GCNT1: variants seen among roughly 807,000 people sequenced by gnomAD.
GCNT1 encodes glucosaminyl (N-acetyl) transferase 1, also known as beta-1,3-galactosyl-O-glycosyl-glycoprotein beta-1,6-N-acetylglucosaminyltransferase.
GCNT1 carries 16 observed loss-of-function variants against 26.2 expected under a neutral mutation model. That is an observed-to-expected ratio of 0.61 (90% confidence interval 0.41 to 0.93). The LOEUF (loss-of-function observed/expected upper bound fraction) is 0.93, where lower values mean the gene tolerates loss of function less well. GCNT1 is among the 40% of genes least tolerant of loss of function. GCNT1 has a pLI of 0.00. For missense variants in GCNT1, 477 were observed against 526.7 expected, an observed-to-expected ratio of 0.91 and a Z score of 0.92; for synonymous variants, 183 against 190.8, an observed-to-expected ratio of 0.96 and a Z score of 0.34.
chr9:76,494,053 G>C (rs1013667682), intron 2 of GCNT1, among the ~76,000 whole-genome samples: 1 of 151,904 alleles, frequency 6.6e-6, no homozygotes, highest in African/African-American at 2.4e-5. Context: ...AAAACCACCC[G>C]CGGTTTTGGT....
upstream of GCNT1, among the ~76,000 whole-genome samples, chr9:76,457,336 C>T (rs138283517): frequency 6.6e-6 from 1 of 152,358 alleles, no homozygotes; most frequent in African/African-American, 2.4e-5. Context: ...GCAACCTCCA[C>T]CTCCCGGGTT....
chr9:76,466,592 GTGT>G (rs764583846), intron 2 of GCNT1, among the ~76,000 whole-genome samples: 2 of 152,218 alleles, frequency 1.3e-5, no homozygotes, highest in Non-Finnish European at 2.9e-5. Flanking sequence ...ATGAGCCACT[GTGT>G]CTGGCCACTA....
rs1825102674 is a variant in GCNT1 at position 76,502,436 on chromosome 9, T to C, written c.55T>C (p.Phe19Leu). 6.2e-7 allele frequency: 1 copy of C among 1,613,708 alleles called. No homozygotes were observed. Among genetic ancestry groups the C allele is most frequent in the African/African-American group, 1.3e-5 (1 of 74,894 alleles). ...TTTTTCTTATCCCACCAAATACTAC[T>C]TTATGGTTCTTGTTTTATCCCTAAT... ...RLFSYPTKYY[F>L]MVLVLSLITF... Residue 19 changes from phenylalanine (F) to leucine (L), a missense_variant, in exon 4 of 4, where the codon TTT becomes CTT. Phe to Leu is a conservative substitution (Grantham distance 22, BLOSUM62 0). Transcript: ENST00000376730.
chr9:76,398,426 G>A, the GCNT1 span, among the ~76,000 whole-genome samples: 1 of 152,194 alleles, frequency 6.6e-6, no homozygotes, highest in Non-Finnish European at 1.5e-5. Flanking sequence ...ACCAAATGCT[G>A]GCAACCATGT....
intron 2 of GCNT1, among the ~76,000 whole-genome samples, chr9:76,493,189 C>T (rs537328896): frequency 2.6e-5 from 4 of 152,238 alleles, no homozygotes; most frequent in Non-Finnish European, 5.9e-5. Flanking sequence ...GGTCAGCAGA[C>T]GTTTACGACT....
chr9:76,432,756 G>C (rs1383838048), intron 1 of GCNT1, among the ~76,000 whole-genome samples: 1 of 152,182 alleles, frequency 6.6e-6, no homozygotes, highest in Non-Finnish European at 1.5e-5. Flanking sequence ...TTTAAAGCCT[G>C]AAAGCCAAGC....
At position 76,485,930 on chromosome 9, in the gene GCNT1, G is replaced by A. The variant is rs914733002; in HGVS notation, c.-289-14986G>A. The stretch of plus-strand genomic sequence containing the variant: ...GTATTTTCAGTAGAGATGAGGTTTC[G>A]CCATATCGGCCAGGCTGGCCTGAAC... On this transcript the variant is annotated intron_variant, in intron 2 of 3. Transcript: ENST00000376730. 5.3e-5 allele frequency among the ~76,000 whole-genome samples: 8 copies of A among 152,178 alleles called. No homozygotes were observed. The East Asian group carries it at 7.8e-4, about 15-fold the overall frequency.
At chr9:76,470,629 C>G (rs1196413791) in intron 2 of GCNT1, among the ~76,000 whole-genome samples, 1 of 144,924 alleles carries the variant, frequency 6.9e-6, no homozygotes. Flanking sequence ...AAAAAATGCT[C>G]AAACTAAAGA....
chr9:76,421,686 G>GT (rs375605387), intron 1 of GCNT1, among the ~76,000 whole-genome samples: 18,741 of 82,806 alleles, frequency 0.23, 2,422 homozygotes, highest in Non-Finnish European at 0.29. Flanking sequence ...TTGTTTGTAG[G>GT]TTGTTTTTTT....
At chr9:76,468,156 C>T (rs113389841) in intron 2 of GCNT1, among the ~76,000 whole-genome samples, 10,753 of 152,036 alleles carry the variant, frequency 0.071, 482 homozygotes, top group African/African-American at 0.12. Flanking sequence ...CTGGGCCTCC[C>T]GAAGTGCTGG....
chr9:76,497,798 T>G (rs1000901054), intron 2 of GCNT1, among the ~76,000 whole-genome samples: 6 of 152,236 alleles, frequency 3.9e-5, no homozygotes, highest in African/African-American at 1.4e-4. Flanking sequence ...TGTCACAATT[T>G]GTAACTTAAA....
chr9:76,443,914 AAAGGAAGAAAGGAAGAAAGGAAGGAAGG>A (rs1564225816), intron 1 of GCNT1, among the ~76,000 whole-genome samples: 10 of 65,828 alleles, frequency 1.5e-4, no homozygotes, highest in African/African-American at 6.1e-4. Context: ...AGAAAGGAAG[AAAGGAAGAAAGGAAGAAAGGAAGGAAGG>A]AAGGAAGGAA....
chr9:76,461,651 G>T (rs12339384), intron 2 of GCNT1, among the ~76,000 whole-genome samples: 16,068 of 151,590 alleles, frequency 0.11, 1,067 homozygotes, highest in African/African-American at 0.19. Flanking sequence ...ATTTTGGGAG[G>T]CTGAGGCAGG....
chr9:76,448,869 T>C (rs141445501), intron 1 of GCNT1, among the ~76,000 whole-genome samples: 131 of 152,398 alleles, frequency 8.6e-4, no homozygotes, highest in African/African-American at 2.9e-3. Flanking sequence ...AGACAGGTAC[T>C]TCTTTTAACT....
At chr9:76,455,831 T>C (rs1013671998), upstream of GCNT1, among the ~76,000 whole-genome samples, 1 of 152,156 alleles carries the variant, frequency 6.6e-6, no homozygotes, top group Non-Finnish European at 1.5e-5. Context: ...TCGAACTCCT[T>C]ACCTCAAGTG....
chr9:76,437,599 C>T (rs1401257956), upstream of GCNT1, among the ~76,000 whole-genome samples: 1 of 152,186 alleles, frequency 6.6e-6, no homozygotes, highest in Non-Finnish European at 1.5e-5. Context: ...ATTCTTTAGT[C>T]CCTTACTTTT....
At chr9:76,402,488 A>G in the GCNT1 span, among the ~76,000 whole-genome samples, 115 of 152,210 alleles carry the variant, frequency 7.6e-4, 1 homozygote, top group African/African-American at 2.7e-3. Context: ...TTTTGCACCA[A>G]AAAAAAGCAG....
chr9:76,495,593 T>G (rs1824886527), intron 2 of GCNT1, among the ~76,000 whole-genome samples: 1 of 152,186 alleles, frequency 6.6e-6, no homozygotes, highest in Non-Finnish European at 1.5e-5. Context: ...CAGTGCTGAT[T>G]GGTCCATTTT....
chr9:76,500,870 C>T (rs942695913), intron 2 of GCNT1, 46 bp from the exon 3 acceptor site: 1 of 152,162 alleles, frequency 6.6e-6, no homozygotes, highest in Non-Finnish European at 1.5e-5. Context: ...TGTGTGAATA[C>T]TATGTGTCCA....
Sources: gnomAD v4.1 joint callset for allele counts (sites outside exome capture counted in the v4.1 genomes callset) on GRCh38, gnomAD v4.1.1 for gene constraint, MANE v1.5 for transcripts, NCBI Gene and HGNC (gene_info 2026-07-23, HGNC 2026-07-21) for gene names.